The following COQ8B variants were observed in gnomAD, a reference collection of about 807,000 sequenced individuals.
COQ8B encodes the protein atypical kinase COQ8B, mitochondrial.
In COQ8B, 44 loss-of-function variants were observed where a neutral mutation model predicts 62.0. The observed-to-expected ratio is 0.71, with a 90% CI of 0.56 to 0.91. COQ8B has a LOEUF of 0.91. Ranked by LOEUF, COQ8B falls within the 40% of genes least tolerant of loss-of-function variation. The pLI is 0.00. For missense variants in COQ8B, 649 were observed against 731.6 expected, an observed-to-expected ratio of 0.89 and a Z score of 1.30; for synonymous variants, 252 against 289.9, an observed-to-expected ratio of 0.87 and a Z score of 1.33.
chr19:40,705,516 C>G, intron 5 of COQ8B, 69 bp from the exon 6 acceptor site: 4 of 1,461,064 alleles, frequency 2.7e-6, no homozygotes, highest in Non-Finnish European at 3.6e-6. Context: ...CGGCGGCCCA[C>G]GCCTGTAATC....
At chr19:40,702,559 G>T (rs1344174555) in intron 10 of COQ8B, 41 bp downstream of exon 10, 1 of 1,597,854 alleles carries the variant, frequency 6.3e-7, no homozygotes, top group South Asian at 1.1e-5. Context: ...CACCCAGCCT[G>T]GGAGGGAGGG....
chr19:40,699,942 T>C, intron 12 of COQ8B, 125 bp downstream of exon 12: 1 of 877,142 alleles, frequency 1.1e-6, no homozygotes, highest in Non-Finnish European at 1.8e-6. Context: ...TGAATCCCAC[T>C]TGGAAAAGGG....
chr19:40,705,465 A>T lies in COQ8B; in HGVS notation c.368-18T>A, dbSNP rs376081117. ...ACCACCCTCTGGGGAGAGAACAACC[A>T]TTAGAATTATAACCACAAATATCAT... On this transcript the variant is annotated intron_variant, in intron 5 of 14. Coordinates refer to ENST00000324464, the MANE Select transcript of COQ8B (RefSeq NM_024876.4). 1 of 1,530,522 alleles carries T rather than the reference A, an allele frequency of 6.5e-7. No homozygotes were observed. Among genetic ancestry groups the T allele is most frequent in the Non-Finnish European group, 8.8e-7 (1 of 1,135,306 alleles). 94.8% of individuals were successfully genotyped at this position (1,530,522 alleles called of 1,614,324 possible). A position where few individuals can be genotyped will look rare whatever the true frequency, so the allele number is the denominator to read the frequency against.
At chr19:40,693,753 C>G (rs1260207794) in intron 13 of COQ8B, among the ~76,000 whole-genome samples, 1 of 152,208 alleles carries the variant, frequency 6.6e-6, no homozygotes, top group Non-Finnish European at 1.5e-5. Flanking sequence ...TGTGGCCTGC[C>G]TGGCGCTGTG....
At position 40,700,231 on chromosome 19, in the gene COQ8B, C is replaced by G. The variant is rs1162221539; in HGVS notation, c.1036-57G>C. 1.9e-6 allele frequency: 3 copies of G among 1,612,950 alleles called. No homozygotes were observed. The African/African-American group carries it at 4.0e-5, about 22-fold the overall frequency. ...TGTGATCTCCCTTGTGGTGCCACTGCTGGCCTGGAGAGAGACCATGAGCCT... is the reference window on the plus strand; with the variant it reads ...TGTGATCTCCCTTGTGGTGCCACTGGTGGCCTGGAGAGAGACCATGAGCCT... On this transcript the variant is annotated intron_variant, in intron 11 of 14. Transcript: ENST00000324464.
At chr19:40,699,338 G>T (rs889391388) in intron 12 of COQ8B, among the ~76,000 whole-genome samples, 2 of 151,870 alleles carry the variant, frequency 1.3e-5, no homozygotes, top group Non-Finnish European at 2.9e-5. Flanking sequence ...CTTTCCCTGG[G>T]ATCCCATAAC....
intron 10 of COQ8B, among the ~76,000 whole-genome samples, chr19:40,701,698 G>A (rs1203196197): frequency 1.3e-5 from 2 of 152,200 alleles, no homozygotes; most frequent in Admixed American, 6.5e-5. Flanking sequence ...TGTACAGATT[G>A]TATGGATGCA....
chr19:40,704,844 ATG>A (rs1419619557), intron 7 of COQ8B: 2 of 458,816 alleles, frequency 4.4e-6, no homozygotes, highest in Non-Finnish European at 7.9e-6. Context: ...ATGTGACCCT[ATG>A]ATGTGGGTGT....
At chr19:40,698,500 T>C (rs980117909) in intron 12 of COQ8B, among the ~76,000 whole-genome samples, 10 of 151,650 alleles carry the variant, frequency 6.6e-5, no homozygotes, top group Admixed American at 3.9e-4. Flanking sequence ...ATCGTGCCAT[T>C]GCACTCCAGC....
chr19:40,710,926 G>C (rs2082136173), intron 4 of COQ8B, among the ~76,000 whole-genome samples: 1 of 152,130 alleles, frequency 6.6e-6, no homozygotes. Flanking sequence ...GAAGTCAGGA[G>C]GTCGAGACCA....
chr19:40,712,362 C>T (rs183957140), intron 4 of COQ8B, among the ~76,000 whole-genome samples: 85 of 146,152 alleles, frequency 5.8e-4, no homozygotes, highest in Admixed American at 2.4e-3. Context: ...ATCATGAGGT[C>T]AGGAGATCGA....
At chr19:40,712,474 G>A (rs373974213) in intron 4 of COQ8B, among the ~76,000 whole-genome samples, 3 of 151,234 alleles carry the variant, frequency 2.0e-5, no homozygotes, top group South Asian at 2.1e-4. Flanking sequence ...TGTAACCCCC[G>A]CTACTCAGGA....
intron 10 of COQ8B, among the ~76,000 whole-genome samples, chr19:40,702,206 C>T (rs893189632): frequency 2.6e-5 from 4 of 152,162 alleles, no homozygotes; most frequent in Non-Finnish European, 1.5e-5. Context: ...ATGCTTCTAC[C>T]ACCTTCTCCC....
chr19:40,692,222 T>C lies in COQ8B; in HGVS notation c.1448A>G (p.Glu483Gly), dbSNP rs752780517. ...CTTGCGGTGCAGGGCATAGGTCTCC[T>C]CGGGTGGGGGACACAGCCGGTGCCG... is the stretch of plus-strand genomic sequence containing the variant. ...LLRHRLCPPP[E>G]ETYALHRKLA... Residue 483 changes from glutamate to glycine, a missense_variant, in exon 15 of 15, where the codon GAG becomes GGG. Transcript: ENST00000324464. 3.4e-5 allele frequency: 54 copies of C among 1,606,428 alleles called. No homozygotes were observed. The highest frequency in any genetic ancestry group is 4.0e-5 in the Non-Finnish European group (47 of 1,176,590).
At chr19:40,713,642 G>C (rs1295151120) in intron 4 of COQ8B, among the ~76,000 whole-genome samples, 1 of 151,700 alleles carries the variant, frequency 6.6e-6, no homozygotes, top group East Asian at 1.9e-4. Context: ...CTTGAATGTA[G>C]GAGGCAGAGG....
At chr19:40,694,352 G>A (rs554697994) in intron 13 of COQ8B, among the ~76,000 whole-genome samples, 2 of 152,306 alleles carry the variant, frequency 1.3e-5, no homozygotes, top group South Asian at 4.1e-4. Context: ...TTCAAATTCT[G>A]ACTGCATCCC....
At chr19:40,698,204 G>A (rs566338773) in intron 12 of COQ8B, among the ~76,000 whole-genome samples, 16 of 143,322 alleles carry the variant, frequency 1.1e-4, no homozygotes, top group African/African-American at 3.4e-4. Context: ...TGACAAGAGC[G>A]AGACTTCATC....
intron 12 of COQ8B, among the ~76,000 whole-genome samples, chr19:40,697,875 G>GAGAGAGAGAGAGAGGGAGAGAGAC (rs58313890): frequency 4.0e-4 from 41 of 103,446 alleles, no homozygotes; most frequent in African/African-American, 1.4e-3. Context: ...GAGAGAGAGA[G>GAGAGAGAGAGAGAGGGAGAGAGAC]AGTTTCTACT....
chr19:40,710,350 T>G (rs1458984136), intron 4 of COQ8B, among the ~76,000 whole-genome samples: 8 of 152,230 alleles, frequency 5.3e-5, no homozygotes, highest in Non-Finnish European at 1.0e-4. Context: ...GTTCAAGCGA[T>G]TCTCCTGCCT....
Sources: gnomAD v4.1 joint callset for allele counts (sites outside exome capture counted in the v4.1 genomes callset) on GRCh38, gnomAD v4.1.1 for gene constraint, MANE v1.5 for transcripts, NCBI Gene and HGNC (gene_info 2026-07-23, HGNC 2026-07-21) for gene names.